The following GREB1 variants were observed in gnomAD, a reference collection of about 807,000 sequenced individuals.
The protein encoded by GREB1 is growth regulating estrogen receptor binding 1.
In GREB1, 106 loss-of-function variants were observed where a neutral mutation model predicts 200.7. The observed-to-expected ratio is 0.53, with a 90% CI of 0.45 to 0.62. The LOEUF is 0.62. Among genes scored for constraint, GREB1 ranks in the 20% least tolerant of loss-of-function variants. GREB1 has a pLI of 0.00. For synonymous variants in GREB1, 1,132 were observed against 1,092.4 expected (o/e 1.04, Z -0.72); for missense variants, 2,243 against 2,556.8 (o/e 0.88, Z 2.65).
chr2:11,556,840 C>A, intron 2 of GREB1, 69 bp downstream of exon 2: 1 of 1,155,564 alleles, frequency 8.7e-7, no homozygotes, highest in Non-Finnish European at 1.2e-6. Context: ...AGCACCAGAA[C>A]TTGAAACTCT....
chr2:11,607,625 T>TATATACATATATATAC (rs1682517924), intron 17 of GREB1, among the ~76,000 whole-genome samples: 1 of 137,966 alleles, frequency 7.2e-6, no homozygotes, highest in African/African-American at 3.1e-5. Context: ...TATATGCATA[T>TATATACATATATATAC]ATATACATAT....
chr2:11,603,863 TCACAGTGA>T (rs1167747855), intron 17 of GREB1, among the ~76,000 whole-genome samples: 5 of 152,260 alleles, frequency 3.3e-5, no homozygotes, highest in Non-Finnish European at 5.9e-5. Context: ...AAAATAATCC[TCACAGTGA>T]CACAGTGAGA....
chr2:11,598,921 A>C, intron 15 of GREB1, 61 bp downstream of exon 15: 2 of 1,390,858 alleles, frequency 1.4e-6, no homozygotes, highest in Non-Finnish European at 2.0e-6. Context: ...ATGTATGTGG[A>C]TGTTCCCGGG....
chr2:11,541,039 AAGAGG>A (rs1004469718), intron 1 of GREB1, among the ~76,000 whole-genome samples: 11 of 152,164 alleles, frequency 7.2e-5, no homozygotes, highest in Non-Finnish European at 1.5e-4. Context: ...GGGAAGTTAG[AAGAGG>A]AGGGAGCATG....
chr2:11,584,944 A>C (rs919977345), intron 7 of GREB1: 8 of 401,002 alleles, frequency 2.0e-5, no homozygotes, highest in Non-Finnish European at 3.5e-5. Context: ...CAGGTTGCCT[A>C]AGGAGGGGTG....
At chr2:11,551,802 C>T (rs1459442751) in intron 1 of GREB1, among the ~76,000 whole-genome samples, 2 of 152,130 alleles carry the variant, frequency 1.3e-5, no homozygotes, top group African/African-American at 4.8e-5. Context: ...GAGCCGTGGC[C>T]AAAAATATCC....
At chr2:11,601,085 T>C (rs894528937) in intron 16 of GREB1, 90 bp downstream of exon 16, 1 of 1,024,192 alleles carries the variant, frequency 9.8e-7, no homozygotes, top group South Asian at 1.5e-5. Flanking sequence ...ACCAGTGTGG[T>C]TGAGGATAAT....
rs1672798052 is a variant in GREB1 at position 11,492,657 on chromosome 2, T to G, written c.-159+10276T>G. 6.6e-6 allele frequency among the ~76,000 whole-genome samples: 1 copy of G among 152,170 alleles called. No individual in the cohort carries two copies. Among genetic ancestry groups the G allele is most frequent in the South Asian group, 2.1e-4 (1 of 4,828 alleles). The stretch of plus-strand genomic sequence containing the variant: ...GGAATCAAGTTTGCCAGAATCAATG[T>G]AAGGGAAGAGAAAAGGGTAAAAGTT... On this transcript the variant is annotated intron_variant, in intron 1 of 2. Coordinates refer to the GREB1 transcript ENST00000628795. The surrounding 1 kb of genome is among the most constrained non-coding windows in gnomAD (Gnocchi z 4.0).
At chr2:11,592,156 T>G (rs1397318221) in intron 10 of GREB1, 3 of 947,818 alleles carry the variant, frequency 3.2e-6, no homozygotes, top group Non-Finnish European at 3.8e-6. Flanking sequence ...TCTAACAAGC[T>G]ATGGGAATTT....
At chr2:11,562,038 G>A (rs1677102219) in intron 2 of GREB1, among the ~76,000 whole-genome samples, 1 of 152,180 alleles carries the variant, frequency 6.6e-6, no homozygotes, top group Admixed American at 6.5e-5. Flanking sequence ...AAATATCTTT[G>A]GAACGCTACC....
At chr2:11,604,343 A>G (rs1171522341) in intron 17 of GREB1, among the ~76,000 whole-genome samples, 1 of 152,184 alleles carries the variant, frequency 6.6e-6, no homozygotes, top group Non-Finnish European at 1.5e-5. Context: ...TTTGGGGATG[A>G]TAACACCTAC....
At chr2:11,635,121 T>A in intron 29 of GREB1, 149 bp from the exon 30 acceptor site, 1 of 838,490 alleles carries the variant, frequency 1.2e-6, no homozygotes, top group Non-Finnish European at 1.8e-6. Flanking sequence ...ATATTTCCCC[T>A]AGAGTAAGGA....
chr2:11,582,160 G>A lies in GREB1; in HGVS notation c.901+1328G>A, dbSNP rs901927584. 2.0e-5 allele frequency among the ~76,000 whole-genome samples: 3 copies of A among 152,338 alleles called. No homozygotes were observed. In the East Asian group the frequency reaches 5.8e-4, roughly 29 times the overall value. On this transcript the variant is annotated intron_variant, in intron 7 of 32. Transcript: ENST00000381486. ...GCTGCTGCGGCCTCCCTTCTGGGCT[G>A]TCTGTGGACCCCCAGCCTCCACCCT...
chr2:11,633,155 G>A lies in GREB1; in HGVS notation c.4991+92G>A. 7.9e-7 allele frequency: 1 copy of A among 1,260,274 alleles called. No homozygotes were observed. Among genetic ancestry groups the A allele is most frequent in the Non-Finnish European group, 1.1e-6 (1 of 876,122 alleles). 78.1% of individuals were successfully genotyped at this position (1,260,274 alleles called of 1,614,324 possible). ...TGTATGGGGAATGTGCCCACCCCTG[G>A]AAGACCGGAGGGCCTCTCATAGTAG... On this transcript the variant is annotated intron_variant, in intron 28 of 32. Transcript: ENST00000381486. This position sits in a 1 kb window ranked among gnomAD's most constrained non-coding sequence, Gnocchi z 4.1.
At chr2:11,588,159 G>T in intron 9 of GREB1, 1 of 480,766 alleles carries the variant, frequency 2.1e-6, no homozygotes, top group Non-Finnish European at 2.7e-6. Flanking sequence ...AACTTGGGAG[G>T]CAGAGGTTGT....
intron 1 of GREB1, among the ~76,000 whole-genome samples, chr2:11,501,882 G>A (rs910441866): frequency 8.9e-6 from 1 of 112,198 alleles, no homozygotes. Flanking sequence ...ACTTATTAGA[G>A]CCTGGATTTC....
intron 15 of GREB1, among the ~76,000 whole-genome samples, chr2:11,599,572 G>A (rs1018446558): frequency 6.8e-6 from 1 of 147,856 alleles, no homozygotes; most frequent in Admixed American, 6.7e-5. Flanking sequence ...CAGGCTTGGA[G>A]TGCAGTGGCA....
intron 7 of GREB1, among the ~76,000 whole-genome samples, chr2:11,584,553 A>G (rs1390754002): frequency 1.3e-5 from 2 of 152,200 alleles, no homozygotes; most frequent in Admixed American, 1.3e-4. Flanking sequence ...AACAATAATG[A>G]TGGTAGTGAA....
At position 11,638,878 on chromosome 2, in the gene GREB1, G is replaced by A. The variant is rs940411197; in HGVS notation, c.5686+69G>A. On this transcript the variant is annotated intron_variant, in intron 32 of 32. Coordinates refer to ENST00000381486, the MANE Select transcript of GREB1 (RefSeq NM_014668.4). ...GTAGTCACCGGGTACCCTGAGGAGG[G>A]GACCTTTGGTCCTAGTCCTTATTTG... 2.9e-5 allele frequency: 45 copies of A among 1,525,726 alleles called. No individual in the cohort carries two copies. The African/African-American group carries it at 4.7e-4, about 16-fold the overall frequency. The allele number at this position is 1,525,726 out of a possible 1,614,324, so 94.5% of individuals were successfully genotyped here.
Sources: gnomAD v4.1 joint callset for allele counts (sites outside exome capture counted in the v4.1 genomes callset) on GRCh38, gnomAD v4.1.1 for gene constraint, Gnocchi (gnomAD v3.1) non-coding constraint, MANE v1.5 for transcripts, NCBI Gene and HGNC (gene_info 2026-07-23, HGNC 2026-07-21) for gene names.